PBX1: variants seen among roughly 807,000 people sequenced by gnomAD.
PBX1 encodes PBX homeobox 1, also known as pre-B-cell leukemia transcription factor 1.
PBX1 carries 6 observed loss-of-function variants against 53.4 expected under a neutral mutation model. The ratio of observed to expected loss-of-function variants is 0.11; its 90% CI spans 0.06 to 0.22. The LOEUF is 0.22. Ranked by LOEUF, PBX1 falls within the 10% of genes least tolerant of loss-of-function variation. PBX1 has a pLI of 1.00. For synonymous variants in PBX1, 204 were observed against 212.3 expected, an observed-to-expected ratio of 0.96 and a Z score of 0.34; for missense variants, 251 against 551.4, an observed-to-expected ratio of 0.46 and a Z score of 5.46.
At chr1:164,674,848 C>CG (rs1491211432) in intron 2 of PBX1, 30 of 2,464 alleles carry the variant, frequency 0.012, 1 homozygote, top group African/African-American at 0.045. Context: ...GAAATCACAG[C>CG]CCCCCCCCCC....
chr1:164,696,768 C>G (rs1238272189), intron 2 of PBX1, among the ~76,000 whole-genome samples: 1 of 152,158 alleles, frequency 6.6e-6, no homozygotes, highest in East Asian at 1.9e-4. Context: ...GGCTTTGTCT[C>G]TGACTTTCAT....
intron 3 of PBX1, among the ~76,000 whole-genome samples, chr1:164,793,872 C>CTTTTTTTTTTTTTTTTTTTTTTTTTT (rs72414989): frequency 1.0e-4 from 8 of 78,214 alleles, no homozygotes; most frequent in Admixed American, 3.0e-4. Context: ...TTTTTCCTTT[C>CTTTTTTTTTTTTTTTTTTTTTTTTTT]TTTTTTTTTT....
Position 164,633,730 on chromosome 1 carries a change from T to G in PBX1, c.265+70419T>G, listed in dbSNP as rs145669728. Among the ~76,000 whole-genome samples the G allele has an allele frequency of 1.6e-4, 25 of 152,314 alleles. No individual in the cohort carries two copies. The East Asian group carries it at 4.4e-3, about 27-fold the overall frequency. Reference sequence around the variant, plus strand: ...CCAGCTCCTTCAATTACATGCTAGTTGTTTTGGACACATTATTTAACCTCT... The same window carrying G: ...CCAGCTCCTTCAATTACATGCTAGTGGTTTTGGACACATTATTTAACCTCT... On this transcript the variant is annotated intron_variant, in intron 2 of 8. Coordinates refer to ENST00000420696, the MANE Select transcript of PBX1 (RefSeq NM_002585.4).
intron 2 of PBX1, among the ~76,000 whole-genome samples, chr1:164,871,829 T>TG (rs1233689407): frequency 6.6e-6 from 1 of 151,544 alleles, no homozygotes; most frequent in African/African-American, 2.4e-5. Context: ...CTCTCCTTCT[T>TG]GCTGCTCTAC....
At chr1:164,594,479 C>T (rs140705731) in intron 2 of PBX1, among the ~76,000 whole-genome samples, 57 of 152,082 alleles carry the variant, frequency 3.7e-4, no homozygotes, top group East Asian at 1.5e-3. Flanking sequence ...GACGGGGTTT[C>T]GCCGTGTTGG....
At chr1:164,823,580 C>T (rs983392652) in intron 8 of PBX1, among the ~76,000 whole-genome samples, 1 of 118,248 alleles carries the variant, frequency 8.5e-6, no homozygotes, top group Non-Finnish European at 1.6e-5. Flanking sequence ...AATTGGGCAG[C>T]ATAGAAGAGA....
chr1:164,843,705 C>G (rs1020047121), intron 8 of PBX1, among the ~76,000 whole-genome samples: 8 of 152,108 alleles, frequency 5.3e-5, no homozygotes, highest in Non-Finnish European at 1.0e-4. Context: ...TCTGTGGGTT[C>G]TCTATACCCC....
intron 2 of PBX1, among the ~76,000 whole-genome samples, chr1:164,604,816 AT>A (rs577705984): frequency 1.5e-4 from 22 of 149,698 alleles, no homozygotes; most frequent in South Asian, 4.2e-4. Context: ...ATCAGTGACT[AT>A]TTTTTTTTTC....
At chr1:164,788,755 C>G (rs1054040240) in intron 2 of PBX1, among the ~76,000 whole-genome samples, 1 of 134,084 alleles carries the variant, frequency 7.5e-6, no homozygotes. Context: ...GCCGCCCTCC[C>G]CCCCCCGCCC....
At chr1:164,655,573 G>A (rs919506874) in intron 2 of PBX1, among the ~76,000 whole-genome samples, 33 of 152,174 alleles carry the variant, frequency 2.2e-4, no homozygotes, top group African/African-American at 8.0e-4. Flanking sequence ...ATTTCTTGTA[G>A]TGGTTTACTG....
chr1:164,676,931 A>G (rs1230950525), intron 2 of PBX1, among the ~76,000 whole-genome samples: 1 of 152,092 alleles, frequency 6.6e-6, no homozygotes, highest in Non-Finnish European at 1.5e-5. Context: ...ACACTGTCAT[A>G]CCCAGTGGGA....
At chr1:164,748,039 C>A (rs867913826) in intron 2 of PBX1, among the ~76,000 whole-genome samples, 1 of 152,040 alleles carries the variant, frequency 6.6e-6, no homozygotes, top group South Asian at 2.1e-4. Flanking sequence ...CAAGTTTAGC[C>A]ATTGTGATAA....
intron 2 of PBX1, among the ~76,000 whole-genome samples, chr1:164,873,402 C>A (rs1189266300): frequency 6.6e-6 from 1 of 152,204 alleles, no homozygotes; most frequent in Non-Finnish European, 1.5e-5. Context: ...AATTCCCTGC[C>A]GTTCCATGAG....
intron 2 of PBX1, among the ~76,000 whole-genome samples, chr1:164,701,892 G>A (rs927137608): frequency 6.6e-6 from 1 of 152,126 alleles, no homozygotes; most frequent in African/African-American, 2.4e-5. Context: ...ACATATGACT[G>A]AGACCCACAA....
At chr1:164,683,745 GAA>G (rs1476266076) in intron 2 of PBX1, 1 of 112,072 alleles carries the variant, frequency 8.9e-6, no homozygotes, top group African/African-American at 3.1e-5. Flanking sequence ...TGTGTTGTGT[GAA>G]GTCTTTTTTT....
chr1:164,687,564 A>G (rs1206821938), intron 2 of PBX1, among the ~76,000 whole-genome samples: 1 of 90,812 alleles, frequency 1.1e-5, no homozygotes, highest in South Asian at 3.6e-4. Flanking sequence ...CCTTGTCTAA[A>G]AAAAAAAAAA....
At chr1:164,730,433 A>G (rs1571301929) in intron 2 of PBX1, among the ~76,000 whole-genome samples, 1 of 152,186 alleles carries the variant, frequency 6.6e-6, no homozygotes. Context: ...GATGAGGATG[A>G]AACAGTTAAG....
chr1:164,635,339 AG>A (rs761863912), intron 2 of PBX1, among the ~76,000 whole-genome samples: 62 of 151,518 alleles, frequency 4.1e-4, no homozygotes, highest in Non-Finnish European at 7.8e-4. Flanking sequence ...GGGGGGAGGG[AG>A]GGGAACCAGG....
chr1:164,596,330 G>A (rs993671797), intron 2 of PBX1, among the ~76,000 whole-genome samples: 4 of 152,144 alleles, frequency 2.6e-5, no homozygotes, highest in African/African-American at 9.7e-5. Context: ...TTGAGATGGT[G>A]CATGAGCTTT....
Sources: allele counts gnomAD v4.1 joint callset (sites outside exome capture counted in the v4.1 genomes callset), GRCh38; gene constraint gnomAD v4.1.1; transcripts MANE v1.5; gene names NCBI Gene and HGNC (gene_info 2026-07-23, HGNC 2026-07-21).